ASIC1: variants seen among roughly 807,000 people sequenced by gnomAD.
ASIC1 encodes the protein acid sensing ion channel subunit 1.
ASIC1 carries 21 observed loss-of-function variants against 63.4 expected under a neutral mutation model. The observed-to-expected ratio is 0.33, with a 90% CI of 0.23 to 0.48. The LOEUF (loss-of-function observed/expected upper bound fraction) is 0.48. ASIC1 is among the 20% of genes least tolerant of loss of function. The pLI, the probability that ASIC1 is intolerant of heterozygous loss-of-function variation, is 0.99. For missense variants in ASIC1, 478 were observed against 695.5 expected (o/e 0.69, Z 3.52); for synonymous variants, 258 against 278.2 (o/e 0.93, Z 0.72).
intron 3 of ASIC1, among the ~76,000 whole-genome samples, chr12:50,072,530 A>G (rs1468222076): frequency 1.3e-5 from 2 of 152,098 alleles, no homozygotes; most frequent in African/African-American, 2.4e-5. Flanking sequence ...GGGAACCCCA[A>G]GTTGGTTCCC....
At position 50,078,351 on chromosome 12, in the gene ASIC1, C is replaced by T. The variant is rs1950679660; in HGVS notation, c.838-70C>T. On this transcript the variant is annotated intron_variant, in intron 5 of 11. Transcript: ENST00000447966. The surrounding 1 kb of genome is among the most constrained non-coding windows in gnomAD (Gnocchi z 6.0). ...AGAACTCCAGAGATCTGCATCTTGT[C>T]AGAGGAGTCCATCAAGCTGATTTGG... The T allele has an allele frequency of 1.0e-5, 16 of 1,588,314 alleles. No homozygotes were observed. The highest frequency in any genetic ancestry group is 1.4e-5 in the Non-Finnish European group (16 of 1,163,816).
intron 3 of ASIC1, among the ~76,000 whole-genome samples, chr12:50,075,655 G>C (rs1034178729): frequency 3.3e-5 from 5 of 152,126 alleles, no homozygotes; most frequent in Non-Finnish European, 7.4e-5. Flanking sequence ...AAGGGGGAAG[G>C]GGGCAAAGAC....
intron 3 of ASIC1, among the ~76,000 whole-genome samples, chr12:50,067,447 T>C (rs1950556660): frequency 6.6e-6 from 1 of 151,802 alleles, no homozygotes; most frequent in Admixed American, 6.6e-5. Context: ...TTTGCTCTTG[T>C]TGCTCAGGCT....
At chr12:50,070,425 GGT>G (rs1181782895) in intron 3 of ASIC1, among the ~76,000 whole-genome samples, 1 of 151,780 alleles carries the variant, frequency 6.6e-6, no homozygotes, top group Non-Finnish European at 1.5e-5. Flanking sequence ...TGTGTGTTGG[GGT>G]GTGTGTGTCG....
At position 50,078,461 on chromosome 12, in the gene ASIC1, T is replaced by C. The variant is rs1407958868; in HGVS notation, c.878T>C (p.Val293Ala). ...LPPPWGTCKA[V>A]TMDSDLDFFD... ...CCACCCTGGGGCACCTGCAAAGCTGTTACCATGGACTCGGATTTGGATTTC... is the reference window on the plus strand; with the variant it reads ...CCACCCTGGGGCACCTGCAAAGCTGCTACCATGGACTCGGATTTGGATTTC... The change falls in exon 6 of 12, where the codon GTT becomes GCT. Residue 293 changes from valine (V) to alanine (A), a missense_variant. Val to Ala is a moderately conservative substitution (Grantham distance 64). Around this residue, in one of 3 missense-constraint regions of ASIC1, gnomAD observed 290 missense variants for 414.9 expected, o/e 0.70. Coordinates refer to ENST00000447966, the MANE Select transcript of ASIC1 (RefSeq NM_001095.4). The surrounding 1 kb of genome is among the most constrained non-coding windows in gnomAD (Gnocchi z 6.0). 1.9e-6 allele frequency: 3 copies of C among 1,614,014 alleles called. No individual in the cohort carries two copies. The highest frequency in any genetic ancestry group is 1.7e-6 in the Non-Finnish European group (2 of 1,179,944).
intron 3 of ASIC1, among the ~76,000 whole-genome samples, chr12:50,072,400 T>C (rs1950608509): frequency 6.6e-6 from 1 of 152,026 alleles, no homozygotes; most frequent in South Asian, 2.1e-4. Flanking sequence ...CCTCAACCAG[T>C]GGCCCTGAGT....
chr12:50,065,156 C>T (rs910125649), intron 3 of ASIC1, among the ~76,000 whole-genome samples: 3 of 152,200 alleles, frequency 2.0e-5, no homozygotes, highest in Non-Finnish European at 4.4e-5. Context: ...GCCATTCTTC[C>T]GCCTTGGCCA....
At position 50,057,959 on chromosome 12, in the gene ASIC1, G is replaced by C. The variant is rs835591; in HGVS notation, c.-17+43G>C. 144,558 of 151,998 alleles carry C rather than the reference G, an allele frequency of 0.95. 68,889 individuals carry two copies. Among genetic ancestry groups the C allele is most frequent in the Non-Finnish European group, 0.98 (66,792 of 68,002 alleles). 9.4% of individuals were successfully genotyped at this position (151,998 alleles called of 1,614,324 possible). Reference sequence around the variant, plus strand: ...CTGCCTTTGGCCGCGAGGCTCCTCGGTACCCCGAAGCCGGGACTCTCCTCC... The same window carrying C: ...CTGCCTTTGGCCGCGAGGCTCCTCGCTACCCCGAAGCCGGGACTCTCCTCC... On this transcript the variant is annotated intron_variant, in intron 1 of 11. Coordinates refer to ENST00000447966, the MANE Select transcript of ASIC1 (RefSeq NM_001095.4). This position sits in a 1 kb window ranked among gnomAD's most constrained non-coding sequence, Gnocchi z 4.7.
chr12:50,062,575 C>T (rs1054106690), intron 3 of ASIC1, among the ~76,000 whole-genome samples: 3 of 148,070 alleles, frequency 2.0e-5, no homozygotes, highest in African/African-American at 5.0e-5. Flanking sequence ...GGGATACCAC[C>T]CCCCACTGTC....
chr12:50,073,942 G>A (rs1228376744), intron 3 of ASIC1: 29 of 1,535,892 alleles, frequency 1.9e-5, no homozygotes, highest in Middle Eastern at 1.7e-4. Flanking sequence ...CTACCCACAC[G>A]TGACCCTTCT....
At chr12:50,068,825 C>T (rs1010872299) in intron 3 of ASIC1, among the ~76,000 whole-genome samples, 1 of 151,980 alleles carries the variant, frequency 6.6e-6, no homozygotes, top group Non-Finnish European at 1.5e-5. Context: ...GCCTCATAAA[C>T]ATCTCCACTC....
intron 3 of ASIC1, among the ~76,000 whole-genome samples, chr12:50,071,266 C>CTTTTTTTTTTTTTT (rs34556615): frequency 8.3e-6 from 1 of 119,806 alleles, no homozygotes; most frequent in African/African-American, 3.2e-5. Flanking sequence ...TTGCTTTCAG[C>CTTTTTTTTTTTTTT]TTTTTTTTTT....
intron 7 of ASIC1, 60 bp downstream of exon 7, chr12:50,079,040 G>A (rs1013334468): frequency 1.8e-5 from 28 of 1,544,512 alleles, no homozygotes; most frequent in Middle Eastern, 3.4e-4. Flanking sequence ...AGCCACGTGC[G>A]CAGGAGTTTC....
At chr12:50,070,635 C>T (rs962029081) in intron 3 of ASIC1, 5 of 152,232 alleles carry the variant, frequency 3.3e-5, no homozygotes, top group Admixed American at 1.3e-4. Flanking sequence ...GGAAATCAAT[C>T]TACTTCCCCT....
chr12:50,071,673 C>G (rs1168642634), intron 3 of ASIC1, among the ~76,000 whole-genome samples: 3 of 145,326 alleles, frequency 2.1e-5, no homozygotes, highest in African/African-American at 5.1e-5. Context: ...TGAGATGGAG[C>G]CTTGTTCTGT....
intron 4 of ASIC1, 97 bp from the exon 5 acceptor site, chr12:50,077,903 C>G: frequency 6.6e-7 from 1 of 1,523,640 alleles, no homozygotes; most frequent in Non-Finnish European, 8.8e-7. Context: ...CCCAGTGCAC[C>G]CTATGCTTAT....
intron 7 of ASIC1, among the ~76,000 whole-genome samples, chr12:50,079,649 T>C (rs1356314485): frequency 6.6e-6 from 1 of 152,144 alleles, no homozygotes; most frequent in African/African-American, 2.4e-5. Flanking sequence ...TTCTCCTCAC[T>C]CTCCTAGTTC....
At position 50,078,864 on chromosome 12, in the gene ASIC1, A is replaced by G; in HGVS notation, c.995-60A>G. 3.2e-6 allele frequency: 5 copies of G among 1,566,354 alleles called. No homozygotes were observed. Among genetic ancestry groups the G allele is most frequent in the Non-Finnish European group, 4.4e-6 (5 of 1,136,866 alleles). On this transcript the variant is annotated intron_variant, in intron 6 of 11. Coordinates refer to ENST00000447966, the MANE Select transcript of ASIC1 (RefSeq NM_001095.4). This position sits in a 1 kb window ranked among gnomAD's most constrained non-coding sequence, Gnocchi z 6.0. Reference sequence around the variant, plus strand: ...TTACACCTTCTAGGCCTTTGGTACTACCACCATCACCAGACCCCTTGAATT... The same window carrying G: ...TTACACCTTCTAGGCCTTTGGTACTGCCACCATCACCAGACCCCTTGAATT...
chr12:50,078,900 A>G lies in ASIC1; in HGVS notation c.995-24A>G, dbSNP rs1417296754. On this transcript the variant is annotated intron_variant, in intron 6 of 11. Coordinates refer to ENST00000447966, the MANE Select transcript of ASIC1 (RefSeq NM_001095.4). This position sits in a 1 kb window ranked among gnomAD's most constrained non-coding sequence, Gnocchi z 6.0. ...CAGACCCCTTGAATTCCCATCCTGC[A>G]TCATTGTCTTTTCTCCTCTGTAGGG... 1 of 1,611,396 alleles carries G rather than the reference A, an allele frequency of 6.2e-7. No homozygotes were observed. The highest frequency in any genetic ancestry group is 1.7e-5 in the Admixed American group (1 of 60,006).
Sources: gnomAD v4.1 joint callset for allele counts (sites outside exome capture counted in the v4.1 genomes callset) on GRCh38, gnomAD v4.1.1 for gene constraint, gnomAD v4.1.1 regional missense constraint, Gnocchi (gnomAD v3.1) non-coding constraint, MANE v1.5 for transcripts, NCBI Gene and HGNC (gene_info 2026-07-23, HGNC 2026-07-21) for gene names.